The following GPR158 variants were observed in gnomAD, a reference collection of about 807,000 sequenced individuals.
GPR158 encodes the protein metabotropic glycine receptor.
Under a neutral mutation model 78.2 loss-of-function variants are expected in GPR158, and 30 were observed. That is an observed-to-expected ratio of 0.38 (90% CI 0.29 to 0.52). The LOEUF (loss-of-function observed/expected upper bound fraction) is 0.52. GPR158 is among the 20% of genes least tolerant of loss of function. The pLI is 0.83. For synonymous variants in GPR158, 581 were observed against 591.1 expected (o/e 0.98, Z 0.25); for missense variants, 1,463 against 1,523.5 (o/e 0.96, Z 0.66).
At position 25,474,649 on chromosome 10, in the gene GPR158, A is replaced by G. The variant is rs138650998; in HGVS notation, c.1404+7930A>G. Among the ~76,000 whole-genome samples, 422 of 152,296 alleles carry G rather than the reference A, an allele frequency of 2.8e-3. 2 individuals are homozygous for G. The highest frequency in any genetic ancestry group is 7.0e-3 in the South Asian group (34 of 4,824). On this transcript the variant is annotated intron_variant, in intron 5 of 10. Coordinates refer to ENST00000376351, the MANE Select transcript of GPR158 (RefSeq NM_020752.3). ...TGTCATTCTCTTGCACAGATATTAA[A>G]TTCTGTGAGAGTAGGGCATGTTTCT... is the stretch of plus-strand genomic sequence containing the variant.
At chr10:25,203,196 T>A (rs1277727359) in intron 1 of GPR158, among the ~76,000 whole-genome samples, 1 of 152,232 alleles carries the variant, frequency 6.6e-6, no homozygotes, top group Non-Finnish European at 1.5e-5. Context: ...ACTCCCATTC[T>A]GTAGGTTGCC....
chr10:25,289,694 A>T (rs1476477043), intron 2 of GPR158, among the ~76,000 whole-genome samples: 3 of 152,280 alleles, frequency 2.0e-5, no homozygotes, highest in Admixed American at 6.5e-5. Flanking sequence ...TGCTGAAATT[A>T]CAGGTGTGAG....
At position 25,242,271 on chromosome 10, in the gene GPR158, C is replaced by T. The variant is rs185021709; in HGVS notation, c.1008+21114C>T. ...ACAGTATCAGAAGCTAAATGGAAGG[C>T]ACCAGATGCTGAAATAAAATTTCAA... On this transcript the variant is annotated intron_variant, in intron 2 of 10. Transcript: ENST00000376351. 7.2e-4 allele frequency among the ~76,000 whole-genome samples: 110 copies of T among 152,250 alleles called. 1 individual carries two copies. The highest frequency in any genetic ancestry group is 2.4e-3 in the African/African-American group (101 of 41,550).
At position 25,598,544 on chromosome 10, in the gene GPR158, C is replaced by G; in HGVS notation, c.2918C>G (p.Ser973Cys). The change falls in exon 11 of 11, where the codon TCT (serine) becomes TGT (cysteine). Residue 973 changes from serine (S) to cysteine (C), a missense_variant. Physicochemically the swap from Ser to Cys is moderately radical, Grantham distance 112. Coordinates refer to ENST00000376351, the MANE Select transcript of GPR158 (RefSeq NM_020752.3). ...PAEEPRKPQK[S>C]GIMKQQRVNP... Reference sequence around the variant, plus strand: ...GAGGAGCCAAGAAAGCCTCAGAAATCTGGGATTATGAAACAACAAAGGGTC... The same window carrying G: ...GAGGAGCCAAGAAAGCCTCAGAAATGTGGGATTATGAAACAACAAAGGGTC... The G allele has an allele frequency of 6.2e-7, 1 of 1,613,636 alleles. No individual in the cohort carries two copies. The highest frequency in any genetic ancestry group is 8.5e-7 in the Non-Finnish European group (1 of 1,179,910).
chr10:25,587,330 C>T (rs1443054293), intron 7 of GPR158, among the ~76,000 whole-genome samples: 1 of 152,152 alleles, frequency 6.6e-6, no homozygotes, highest in African/African-American at 2.4e-5. Context: ...AATATCAGTT[C>T]TGTGGGACAA....
chr10:25,323,016 T>C (rs969208750), intron 2 of GPR158, among the ~76,000 whole-genome samples: 1 of 151,942 alleles, frequency 6.6e-6, no homozygotes, highest in Non-Finnish European at 1.5e-5. Flanking sequence ...CCGGCTAATT[T>C]TTTGTATTTT....
intron 5 of GPR158, among the ~76,000 whole-genome samples, chr10:25,546,913 G>T (rs958705193): frequency 6.6e-6 from 1 of 152,148 alleles, no homozygotes; most frequent in African/African-American, 2.4e-5. Context: ...TGCAAGGACC[G>T]CAGGGATCAG....
chr10:25,212,474 A>C (rs963031624), intron 1 of GPR158, among the ~76,000 whole-genome samples: 15 of 152,058 alleles, frequency 9.9e-5, no homozygotes, highest in African/African-American at 3.6e-4. Context: ...GGGGATTACA[A>C]TTCGACATGA....
At chr10:25,488,940 G>C (rs902687819) in intron 5 of GPR158, among the ~76,000 whole-genome samples, 1 of 151,898 alleles carries the variant, frequency 6.6e-6, no homozygotes, top group African/African-American at 2.4e-5. Flanking sequence ...ATGAAAAAAA[G>C]GGAAAAAAAC....
At position 25,588,195 on chromosome 10, in the gene GPR158, T is replaced by C. The variant is rs543776989; in HGVS notation, c.1754-812T>C. Among the ~76,000 whole-genome samples the C allele has an allele frequency of 9.8e-5, 15 of 152,342 alleles. No individual in the cohort carries two copies. The South Asian group carries it at 3.1e-3, about 32-fold the overall frequency. On this transcript the variant is annotated intron_variant, in intron 7 of 10. Coordinates refer to ENST00000376351, the MANE Select transcript of GPR158 (RefSeq NM_020752.3). ...ATTATTTTATTTAATTAGCACATAA[T>C]CACATGAAATACATACTTTTATTAT...
chr10:25,302,348 C>T (rs192580643), intron 2 of GPR158, among the ~76,000 whole-genome samples: 94 of 151,760 alleles, frequency 6.2e-4, no homozygotes, highest in Non-Finnish European at 1.2e-3. Context: ...CTTCCCAAAG[C>T]GCTGGGATTA....
rs1399882540 is a variant in GPR158, at chr10:25,338,517, ATACGTATATTACGTATAT to A, written c.1009-57391_1009-57374del. 2.7e-5 allele frequency among the ~76,000 whole-genome samples: 3 copies of A among 112,432 alleles called. No individual in the cohort carries two copies. The East Asian group carries it at 6.6e-4, about 25-fold the overall frequency. 73.8% of individuals were successfully genotyped at this position (112,432 alleles called of 152,430 possible). ...TATACGTATATATATTACGTATAAT[ATACGTATATTACGTATAT>A]TATATATACGTAATATATAATACGT... On this transcript the variant is annotated intron_variant, in intron 2 of 10. Coordinates refer to ENST00000376351, the MANE Select transcript of GPR158 (RefSeq NM_020752.3).
At chr10:25,249,252 T>A (rs1012315677) in intron 2 of GPR158, among the ~76,000 whole-genome samples, 7 of 152,166 alleles carry the variant, frequency 4.6e-5, no homozygotes, top group African/African-American at 9.7e-5. Flanking sequence ...TCATGTCATC[T>A]GCAAACAGGG....
chr10:25,338,173 T>C (rs1271006308), intron 2 of GPR158, among the ~76,000 whole-genome samples: 1 of 151,520 alleles, frequency 6.6e-6, no homozygotes, highest in African/African-American at 2.4e-5. Flanking sequence ...TTCTGTGTTA[T>C]GACTAAGAAA....
intron 2 of GPR158, among the ~76,000 whole-genome samples, chr10:25,332,742 T>A (rs1206668844): frequency 6.6e-6 from 1 of 152,170 alleles, no homozygotes; most frequent in African/African-American, 2.4e-5. Context: ...AAGAGAACAT[T>A]TCAATTTTAA....
chr10:25,362,528 T>C lies in GPR158; in HGVS notation c.1009-33383T>C, dbSNP rs1006485873. Among the ~76,000 whole-genome samples, 5 of 151,900 alleles carry C rather than the reference T, an allele frequency of 3.3e-5. 1 individual carries two copies. The highest frequency in any genetic ancestry group is 3.3e-4 in the Admixed American group (5 of 15,212). On this transcript the variant is annotated intron_variant, in intron 2 of 10. Coordinates refer to ENST00000376351, the MANE Select transcript of GPR158 (RefSeq NM_020752.3). ...GATAGGAATTGTGTTGAATACAAGA[T>C]TGTTTTGTGTAGTATGTACATCTTC...
At chr10:25,589,393 T>C (rs1837312101) in intron 8 of GPR158, among the ~76,000 whole-genome samples, 1 of 152,212 alleles carries the variant, frequency 6.6e-6, no homozygotes. Flanking sequence ...TATTGTATTA[T>C]CTTAAGCCAC....
chr10:25,338,279 G>T (rs1366788470), intron 2 of GPR158, among the ~76,000 whole-genome samples: 1 of 149,850 alleles, frequency 6.7e-6, no homozygotes, highest in African/African-American at 2.4e-5. Flanking sequence ...TATTATTTAG[G>T]TGTGAGGTAG....
At chr10:25,336,284 T>A (rs915049865) in intron 2 of GPR158, among the ~76,000 whole-genome samples, 1 of 152,020 alleles carries the variant, frequency 6.6e-6, no homozygotes, top group Non-Finnish European at 1.5e-5. Flanking sequence ...AGATACATAA[T>A]AGAAAAAAAG....
Sources: gnomAD v4.1 joint callset for allele counts (sites outside exome capture counted in the v4.1 genomes callset) on GRCh38, gnomAD v4.1.1 for gene constraint, MANE v1.5 for transcripts, NCBI Gene and HGNC (gene_info 2026-07-23, HGNC 2026-07-21) for gene names.